Variants in TCERG1L observed in about 807,000 individuals in gnomAD.
TCERG1L encodes the protein transcription elongation regulator 1-like protein.
A neutral mutation model predicts 56.3 loss-of-function variants in TCERG1L; 37 were observed. The ratio of observed to expected loss-of-function variants is 0.66; its 90% CI spans 0.51 to 0.87. The LOEUF is 0.87. Ranked by LOEUF, TCERG1L falls within the 40% of genes least tolerant of loss-of-function variation. TCERG1L has a pLI of 0.00. For synonymous variants in TCERG1L, 324 were observed against 326.3 expected, an observed-to-expected ratio of 0.99 and a Z score of 0.08; for missense variants, 799 against 774.2, an observed-to-expected ratio of 1.03 and a Z score of -0.38.
At chr10:131,235,361 A>G (rs79768911) in intron 4 of TCERG1L, among the ~76,000 whole-genome samples, 8,259 of 152,286 alleles carry the variant, frequency 0.054, 699 homozygotes, top group African/African-American at 0.19. Flanking sequence ...GTGAGCAAGG[A>G]AAGTCCGAGC....
chr10:131,105,480 C>T (rs1416540934), intron 9 of TCERG1L, among the ~76,000 whole-genome samples: 1 of 152,178 alleles, frequency 6.6e-6, no homozygotes, highest in Non-Finnish European at 1.5e-5. Flanking sequence ...TACTTATGTA[C>T]TCAATCTTTT....
chr10:131,159,769 A>G (rs958545114), intron 6 of TCERG1L, among the ~76,000 whole-genome samples: 2 of 152,130 alleles, frequency 1.3e-5, no homozygotes, highest in Non-Finnish European at 2.9e-5. Flanking sequence ...GCCTGCGTGC[A>G]TCATGCTGCC....
chr10:131,158,050 A>G (rs963538546), intron 6 of TCERG1L, among the ~76,000 whole-genome samples: 1 of 152,258 alleles, frequency 6.6e-6, no homozygotes, highest in Non-Finnish European at 1.5e-5. Flanking sequence ...AATGCTTTCA[A>G]GGAGGCCCTG....
intron 4 of TCERG1L, among the ~76,000 whole-genome samples, chr10:131,209,783 TTATC>T (rs1845596841): frequency 1.3e-5 from 2 of 152,194 alleles, no homozygotes; most frequent in South Asian, 4.1e-4. Flanking sequence ...CACTTTGTAA[TTATC>T]TAAATAAATA....
chr10:131,298,979 G>C (rs1459105222), intron 3 of TCERG1L, among the ~76,000 whole-genome samples: 1 of 151,952 alleles, frequency 6.6e-6, no homozygotes, highest in Non-Finnish European at 1.5e-5. Context: ...TTTTTGTTCT[G>C]TTCTATCAGT....
At position 131,260,184 on chromosome 10, in the gene TCERG1L, A is replaced by T; in HGVS notation, c.856+75T>A. 1 of 1,266,764 alleles carries T rather than the reference A, an allele frequency of 7.9e-7. No individual in the cohort carries two copies. The highest frequency in any genetic ancestry group is 9.9e-7 in the Non-Finnish European group (1 of 1,005,306). 78.5% of individuals were successfully genotyped at this position (1,266,764 alleles called of 1,614,324 possible). On this transcript the variant is annotated intron_variant, in intron 4 of 11. Transcript: ENST00000368642. The surrounding 1 kb of genome is among the most constrained non-coding windows in gnomAD (Gnocchi z 5.8). ...GTCCCACAGCGCCTGGGCCCAGGCC[A>T]GGGGCATCTAACCAGGAAGCCTCCG...
intron 3 of TCERG1L, among the ~76,000 whole-genome samples, chr10:131,271,431 G>A (rs962306778): frequency 2.6e-5 from 4 of 152,308 alleles, no homozygotes; most frequent in East Asian, 3.9e-4. Context: ...TGCAGAGGAG[G>A]TGCCCACAGA....
At chr10:131,230,181 C>T (rs2918167) in intron 4 of TCERG1L, among the ~76,000 whole-genome samples, 3,522 of 152,182 alleles carry the variant, frequency 0.023, 62 homozygotes, top group East Asian at 0.078. Flanking sequence ...GCAGAGACGT[C>T]CCCCAGGACA....
rs113448192 is a variant in TCERG1L at position 131,246,739 on chromosome 10, T to C, written c.856+13520A>G. Among the ~76,000 whole-genome samples, 1,335 of 152,202 alleles carry C rather than the reference T, an allele frequency of 8.8e-3. 23 individuals are homozygous for C. Among genetic ancestry groups the C allele is most frequent in the African/African-American group, 0.031 (1,273 of 41,540 alleles). ...AGGAGCTTGGTCCAAAGAGGAGGAA[T>C]TGGGCAGCCACCTTCCAGCCTTGAG... On this transcript the variant is annotated intron_variant, in intron 4 of 11. Coordinates refer to ENST00000368642, the MANE Select transcript of TCERG1L (RefSeq NM_174937.4).
At chr10:131,209,057 C>CAAAAAAAA (rs10677942) in intron 4 of TCERG1L, among the ~76,000 whole-genome samples, 1 of 127,734 alleles carries the variant, frequency 7.8e-6, no homozygotes, top group African/African-American at 3.1e-5. Flanking sequence ...GACTCTGTCT[C>CAAAAAAAA]AAAAAAAAAA....
intron 8 of TCERG1L, among the ~76,000 whole-genome samples, chr10:131,132,489 C>T (rs141255695): frequency 4.6e-5 from 7 of 152,224 alleles, no homozygotes; most frequent in Admixed American, 3.3e-4. Context: ...GGAGTGCAGC[C>T]GGGTGATGAG....
At chr10:131,259,187 C>T (rs1367543579) in intron 4 of TCERG1L, among the ~76,000 whole-genome samples, 1 of 152,194 alleles carries the variant, frequency 6.6e-6, no homozygotes, top group Non-Finnish European at 1.5e-5. Context: ...ACAAAGTCAA[C>T]AAACTGCAAA....
At chr10:131,141,304 G>A (rs993553950) in intron 7 of TCERG1L, among the ~76,000 whole-genome samples, 6 of 152,062 alleles carry the variant, frequency 3.9e-5, no homozygotes, top group South Asian at 2.1e-4. Context: ...AGACTCAAGC[G>A]CACCTTCTTC....
intron 10 of TCERG1L, 86 bp from the exon 11 acceptor site, chr10:131,098,510 A>G (rs906856466): frequency 6.8e-7 from 1 of 1,468,192 alleles, no homozygotes; most frequent in African/African-American, 1.4e-5. Context: ...ATGAGAAAGC[A>G]GCAAGAATCT....
At chr10:131,299,025 T>C (rs963461793) in intron 3 of TCERG1L, among the ~76,000 whole-genome samples, 11 of 152,242 alleles carry the variant, frequency 7.2e-5, no homozygotes, top group Non-Finnish European at 1.2e-4. Flanking sequence ...TTTTATTAGA[T>C]TAAATTATTA....
At chr10:131,286,626 C>T (rs1488827474) in intron 3 of TCERG1L, among the ~76,000 whole-genome samples, 4 of 152,104 alleles carry the variant, frequency 2.6e-5, no homozygotes, top group Non-Finnish European at 2.9e-5. Flanking sequence ...TAAGTGTACA[C>T]CATTTAAATA....
chr10:131,188,036 G>A (rs547146304), intron 4 of TCERG1L, among the ~76,000 whole-genome samples: 1 of 152,148 alleles, frequency 6.6e-6, no homozygotes, highest in South Asian at 2.1e-4. Flanking sequence ...CCTTGGCTTG[G>A]TCCCCAGCAC....
At position 131,139,471 on chromosome 10, in the gene TCERG1L, G is replaced by C. The variant is rs185348227; in HGVS notation, c.1190-5023C>G. Among the ~76,000 whole-genome samples the C allele has an allele frequency of 7.7e-4, 118 of 152,264 alleles. 1 individual carries two copies. In the South Asian group the frequency reaches 0.023, roughly 30 times the overall value. On this transcript the variant is annotated intron_variant, in intron 7 of 11. Transcript: ENST00000368642. ...ATTGGAGGGAGAGGGAACTGGGTGC[G>C]GGAGGCAGGGAGGCTCTGAGTCTGA...
At chr10:131,302,169 C>G (rs961164902) in intron 3 of TCERG1L, among the ~76,000 whole-genome samples, 3 of 151,906 alleles carry the variant, frequency 2.0e-5, no homozygotes, top group Non-Finnish European at 2.9e-5. Flanking sequence ...CTAAACTTTT[C>G]CCCATGAACC....
Sources: allele counts gnomAD v4.1 joint callset (sites outside exome capture counted in the v4.1 genomes callset), GRCh38; gene constraint gnomAD v4.1.1; non-coding constraint Gnocchi (gnomAD v3.1); transcripts MANE v1.5; gene names NCBI Gene and HGNC (gene_info 2026-07-23, HGNC 2026-07-21).